The following PTPRT variants were observed in gnomAD, a reference collection of about 807,000 sequenced individuals.
PTPRT encodes the protein protein tyrosine phosphatase receptor type T.
PTPRT carries 56 observed loss-of-function variants against 176.8 expected under a neutral mutation model. That is an observed-to-expected ratio of 0.32 (90% confidence interval 0.26 to 0.40). The LOEUF is 0.40. Among genes scored for constraint, PTPRT ranks in the 10% least tolerant of loss-of-function variants. The pLI, the probability that PTPRT is intolerant of heterozygous loss-of-function variation, is 1.00. For missense variants in PTPRT, 1,540 were observed against 1,908.2 expected, an observed-to-expected ratio of 0.81 and a Z score of 3.60; for synonymous variants, 783 against 739.0, an observed-to-expected ratio of 1.06 and a Z score of -0.96.
intron 7 of PTPRT, among the ~76,000 whole-genome samples, chr20:42,590,655 G>A (rs921609129): frequency 1.6e-4 from 25 of 152,234 alleles, no homozygotes; most frequent in African/African-American, 6.0e-4. Flanking sequence ...GGAGAAGATT[G>A]TTTAATTGAG....
intron 1 of PTPRT, among the ~76,000 whole-genome samples, chr20:43,065,323 T>C (rs967959574): frequency 2.0e-5 from 3 of 152,168 alleles, no homozygotes; most frequent in African/African-American, 7.2e-5. Flanking sequence ...AGAATGCAAA[T>C]CACATGTAGT....
chr20:42,589,401 G>T (rs533604778), intron 7 of PTPRT, among the ~76,000 whole-genome samples: 1 of 152,260 alleles, frequency 6.6e-6, no homozygotes, highest in East Asian at 1.9e-4. Context: ...AGCAAGTTCC[G>T]TTCTTCAATT....
intron 1 of PTPRT, among the ~76,000 whole-genome samples, chr20:42,978,191 A>G (rs1415222786): frequency 6.6e-6 from 1 of 152,178 alleles, no homozygotes; most frequent in Admixed American, 6.5e-5. Flanking sequence ...TAACTTATAA[A>G]TTAGACACAG....
At chr20:42,215,757 CT>C (rs2055754263) in intron 15 of PTPRT, among the ~76,000 whole-genome samples, 1 of 76,734 alleles carries the variant, frequency 1.3e-5, no homozygotes, top group South Asian at 6.4e-4. Flanking sequence ...TTTTCCCACC[CT>C]AGCTAGGAGA....
At chr20:42,562,672 T>C (rs1179776720) in intron 7 of PTPRT, among the ~76,000 whole-genome samples, 11 of 152,202 alleles carry the variant, frequency 7.2e-5, no homozygotes, top group Admixed American at 7.2e-4. Context: ...CTTAAGTTCC[T>C]CATCAGCACA....
chr20:42,274,462 C>T (rs1394183131), intron 13 of PTPRT, among the ~76,000 whole-genome samples: 2 of 152,040 alleles, frequency 1.3e-5, no homozygotes, highest in African/African-American at 4.8e-5. Context: ...TCTCCTGCAT[C>T]ACCTGGTCCC....
chr20:42,062,229 G>T, the PTPRT span, among the ~76,000 whole-genome samples: 1 of 152,218 alleles, frequency 6.6e-6, no homozygotes, highest in African/African-American at 2.4e-5. Context: ...GGCCTGCAAA[G>T]AGGGGTGTAC....
intron 1 of PTPRT, among the ~76,000 whole-genome samples, chr20:43,009,155 C>A (rs982688346): frequency 1.3e-5 from 2 of 152,164 alleles, no homozygotes; most frequent in African/African-American, 2.4e-5. Flanking sequence ...AATTTTTCCC[C>A]AGCAGCTGCC....
chr20:43,113,759 G>A (rs993938051), intron 1 of PTPRT, among the ~76,000 whole-genome samples: 1 of 152,158 alleles, frequency 6.6e-6, no homozygotes, highest in African/African-American at 2.4e-5. Flanking sequence ...TTGGCAGGGA[G>A]GGAAGGAAAC....
chr20:42,888,057 C>T lies in PTPRT; in HGVS notation c.89-2125G>A, dbSNP rs1246451722. 2.6e-5 allele frequency among the ~76,000 whole-genome samples: 4 copies of T among 152,054 alleles called. No individual in the cohort carries two copies. In the East Asian group the frequency reaches 7.7e-4, roughly 29 times the overall value. On this transcript the variant is annotated intron_variant, in intron 1 of 30. Coordinates refer to ENST00000373187, the MANE Select transcript of PTPRT (RefSeq NM_007050.6). ...TCACCTTGATCTTGAACTTGCCAAC[C>T]CCCAGAACTATGAGCAATAACTTTC...
intron 2 of PTPRT, among the ~76,000 whole-genome samples, chr20:42,862,611 G>A (rs1399970708): frequency 6.6e-6 from 1 of 152,180 alleles, no homozygotes; most frequent in Non-Finnish European, 1.5e-5. Context: ...GAGAGTGGGA[G>A]GGAGGGAGCC....
intron 13 of PTPRT, among the ~76,000 whole-genome samples, chr20:42,268,613 A>G (rs1021550506): frequency 1.3e-5 from 2 of 152,246 alleles, no homozygotes; most frequent in Admixed American, 6.5e-5. Context: ...ACTGCACACA[A>G]CATTCCTAGC....
At chr20:42,961,675 G>A (rs1981991812) in intron 1 of PTPRT, among the ~76,000 whole-genome samples, 1 of 152,152 alleles carries the variant, frequency 6.6e-6, no homozygotes, top group Admixed American at 6.5e-5. Flanking sequence ...TCTCCAGGGA[G>A]GGGTACTGTG....
chr20:42,680,076 T>C (rs1244384443), intron 6 of PTPRT, among the ~76,000 whole-genome samples: 1 of 152,184 alleles, frequency 6.6e-6, no homozygotes, highest in Non-Finnish European at 1.5e-5. Context: ...TCTGGGTTAT[T>C]CACATGGATA....
intron 9 of PTPRT, among the ~76,000 whole-genome samples, chr20:42,366,588 T>C (rs1165149976): frequency 6.6e-6 from 1 of 152,186 alleles, no homozygotes; most frequent in Non-Finnish European, 1.5e-5. Flanking sequence ...GACATGCCCC[T>C]ACAAGCAATG....
At chr20:42,184,552 C>CTTCTTCTTCTTCTTCTTCTTCTTCTTT (rs1990666102) in intron 16 of PTPRT, among the ~76,000 whole-genome samples, 7 of 115,224 alleles carry the variant, frequency 6.1e-5, no homozygotes, top group Non-Finnish European at 1.2e-4. Context: ...TCTTCTTCTT[C>CTTCTTCTTCTTCTTCTTCTTCTTCTTT]TTCTTCTTAT....
At chr20:43,033,552 T>C (rs1051336783) in intron 1 of PTPRT, among the ~76,000 whole-genome samples, 10 of 152,156 alleles carry the variant, frequency 6.6e-5, no homozygotes, top group African/African-American at 2.4e-4. Flanking sequence ...TGGTTTCTCA[T>C]AATAAAGTCC....
At chr20:42,929,227 G>A (rs148697095) in intron 1 of PTPRT, among the ~76,000 whole-genome samples, 2 of 152,342 alleles carry the variant, frequency 1.3e-5, no homozygotes, top group East Asian at 3.9e-4. Flanking sequence ...GAATGCAAAA[G>A]GAATTCAAAA....
intron 9 of PTPRT, among the ~76,000 whole-genome samples, chr20:42,423,178 TAAAAAAAAAAAA>T (rs34775268): frequency 3.4e-5 from 3 of 88,112 alleles, no homozygotes; most frequent in Admixed American, 2.8e-4. Flanking sequence ...ACCTTAAAAG[TAAAAAAAAAAAA>T]AAAAAAAAAA....
Sources: gnomAD v4.1 joint callset for allele counts (sites outside exome capture counted in the v4.1 genomes callset) on GRCh38, gnomAD v4.1.1 for gene constraint, MANE v1.5 for transcripts, NCBI Gene and HGNC (gene_info 2026-07-23, HGNC 2026-07-21) for gene names.